VAV2: variants seen among roughly 807,000 people sequenced by gnomAD.
VAV2 encodes the protein guanine nucleotide exchange factor VAV2.
A neutral mutation model predicts 132.5 loss-of-function variants in VAV2; 67 were observed. The observed-to-expected ratio is 0.51, with a 90% CI of 0.42 to 0.62. VAV2 has a LOEUF of 0.62. VAV2 is among the 20% of genes least tolerant of loss of function. VAV2 has a pLI of 0.00. For missense variants in VAV2, 938 were observed against 1,153.6 expected (o/e 0.81, Z 2.71); for synonymous variants, 492 against 443.5 (o/e 1.11, Z -1.37).
intron 2 of VAV2, among the ~76,000 whole-genome samples, chr9:133,893,815 G>A (rs1240107992): frequency 2.6e-5 from 4 of 152,114 alleles, no homozygotes; most frequent in South Asian, 2.1e-4. Flanking sequence ...TCCAACTACC[G>A]CCCCTGAAAC....
chr9:133,814,644 G>A (rs1835487956), intron 4 of VAV2, among the ~76,000 whole-genome samples: 1 of 152,266 alleles, frequency 6.6e-6, no homozygotes, highest in Non-Finnish European at 1.5e-5. Flanking sequence ...CCTGGACAGG[G>A]GCCTGGAGAT....
chr9:133,949,106 G>A (rs1014454692), intron 1 of VAV2, among the ~76,000 whole-genome samples: 1 of 152,104 alleles, frequency 6.6e-6, no homozygotes, highest in Non-Finnish European at 1.5e-5. Context: ...CTTACGCTGG[G>A]CCCTCCTGCT....
In VAV2 at chr9:133,779,564, G is replaced by A. The variant is rs150750042; in HGVS notation, c.1762+354C>T. On this transcript the variant is annotated intron_variant, in intron 21 of 29. Transcript: ENST00000371850. Reference sequence around the variant, plus strand: ...GAAGCACGTTTCCATTAAGCAACCCGCAGCAAGGCAGGAAGGGGATGGAGA... The same window carrying A: ...GAAGCACGTTTCCATTAAGCAACCCACAGCAAGGCAGGAAGGGGATGGAGA... Among the ~76,000 whole-genome samples, 517 of 152,346 alleles carry A rather than the reference G, an allele frequency of 3.4e-3. 2 individuals carry two copies. Among genetic ancestry groups the A allele is most frequent in the African/African-American group, 0.012 (489 of 41,584 alleles).
At chr9:133,771,408 T>C (rs1833620652) in intron 26 of VAV2, among the ~76,000 whole-genome samples, 1 of 152,144 alleles carries the variant, frequency 6.6e-6, no homozygotes, top group Admixed American at 6.5e-5. Flanking sequence ...TCTGTGGCCA[T>C]AGCGGGGAAG....
In VAV2 at chr9:133,762,516, G is replaced by C. The variant is rs1833292163; in HGVS notation, c.*1546C>G. 1.3e-5 allele frequency: 2 copies of C among 152,330 alleles called. No individual in the cohort carries two copies. Among genetic ancestry groups the C allele is most frequent in the South Asian group, 4.1e-4 (2 of 4,838 alleles). The allele number at this position is 152,330 out of a possible 1,614,324, so 9.4% of individuals were successfully genotyped here. ...CTCCCCGCCATCCTCCGCGCCTGCTGGGCCGCAGGTCGCAAAGTGCTGGGT... is the reference window on the plus strand; with the variant it reads ...CTCCCCGCCATCCTCCGCGCCTGCTCGGCCGCAGGTCGCAAAGTGCTGGGT... On this transcript the variant is annotated 3_prime_UTR_variant, in exon 30 of 30. Transcript: ENST00000371850. This position sits in a 1 kb window ranked among gnomAD's most constrained non-coding sequence, Gnocchi z 5.0.
chr9:133,827,777 G>C (rs1433731098), intron 4 of VAV2, among the ~76,000 whole-genome samples: 2 of 28,434 alleles, frequency 7.0e-5, no homozygotes, highest in Non-Finnish European at 4.3e-4. Context: ...TGACCACTGA[G>C]CACGGGCATC....
At chr9:133,778,647 G>A in intron 22 of VAV2, 115 bp downstream of exon 22, 1 of 1,439,550 alleles carries the variant, frequency 6.9e-7, no homozygotes. Context: ...CTCCCTGGTG[G>A]TCTCTCACCT....
intron 2 of VAV2, among the ~76,000 whole-genome samples, chr9:133,938,100 C>G (rs561590454): frequency 6.6e-6 from 1 of 152,342 alleles, no homozygotes; most frequent in East Asian, 1.9e-4. Context: ...CCTCACAAAT[C>G]ATGTATTCAC....
At chr9:133,905,266 T>TAA (rs35348134) in intron 2 of VAV2, among the ~76,000 whole-genome samples, 2,759 of 145,290 alleles carry the variant, frequency 0.019, 85 homozygotes, top group African/African-American at 0.063. Context: ...CCATCTCTAC[T>TAA]AAAAAAAAAA....
At position 133,770,397 on chromosome 9, in the gene VAV2, C is replaced by T. The variant is rs1132455; in HGVS notation, c.2328G>A (p.Arg776=). Residue 776 remains arginine (R), a synonymous_variant, in exon 27 of 30, where the codon AGG becomes AGA. Coordinates refer to ENST00000371850, the MANE Select transcript of VAV2 (RefSeq NM_001134398.2). ...CGTTACCTGGGGACCGGCTGGAGGC[C>T]CTGGAGGCCGAACGTTCCCGGGACT... is the stretch of plus-strand genomic sequence containing the variant. ...PYKSRERSAS[R]ASSRSPASCA... 3.1e-6 allele frequency: 5 copies of T among 1,614,006 alleles called. No individual in the cohort carries two copies. The South Asian group carries it at 4.4e-5, about 14-fold the overall frequency.
intron 3 of VAV2, among the ~76,000 whole-genome samples, chr9:133,841,801 TAAG>T (rs1208105408): frequency 6.6e-6 from 1 of 152,146 alleles, no homozygotes; most frequent in African/African-American, 2.4e-5. Flanking sequence ...TAGCAATTGC[TAAG>T]ACCAAGGGAG....
At position 133,918,601 on chromosome 9, in the gene VAV2, G is replaced by A. The variant is rs527847113; in HGVS notation, c.321+20502C>T. On this transcript the variant is annotated intron_variant, in intron 2 of 29. Coordinates refer to ENST00000371850, the MANE Select transcript of VAV2 (RefSeq NM_001134398.2). This position sits in a 1 kb window ranked among gnomAD's most constrained non-coding sequence, Gnocchi z 4.7. ...TGGCTGATACTGTTATGTCCATTTC[G>A]TGGGTAAGAAAGCTGAGGCCCACAG... Among the ~76,000 whole-genome samples the A allele has an allele frequency of 7.9e-5, 12 of 151,976 alleles. No homozygotes were observed. The highest frequency in any genetic ancestry group is 1.6e-4 in the Non-Finnish European group (11 of 68,012).
chr9:133,799,148 G>A (rs1340026430), intron 9 of VAV2, among the ~76,000 whole-genome samples: 1 of 152,224 alleles, frequency 6.6e-6, no homozygotes, highest in Non-Finnish European at 1.5e-5. Flanking sequence ...CCATCCAAGT[G>A]GCTCTGCCAC....
intron 1 of VAV2, among the ~76,000 whole-genome samples, chr9:133,983,031 C>T (rs552018144): frequency 2.9e-4 from 44 of 152,296 alleles, no homozygotes; most frequent in African/African-American, 8.9e-4. Context: ...AGGAGAGAGA[C>T]GGCAGTGGCC....
chr9:133,904,333 G>C (rs1439696805), intron 2 of VAV2, among the ~76,000 whole-genome samples: 1 of 152,202 alleles, frequency 6.6e-6, no homozygotes, highest in African/African-American at 2.4e-5. Flanking sequence ...AGAATCCCAA[G>C]TCCTCCCTTT....
intron 2 of VAV2, among the ~76,000 whole-genome samples, chr9:133,867,237 G>C (rs1837842695): frequency 6.6e-6 from 1 of 152,230 alleles, no homozygotes; most frequent in South Asian, 2.1e-4. Context: ...CCAGCATCAA[G>C]GCTCAACACC....
rs1428145126 is a variant in VAV2, at chr9:133,857,953, G to T, written c.380+3421C>A. ...GTCTTCCTGCAAAGCCTCGCTCTGC[G>T]CCCAGGAGGCCCTTCCCTTTGGCCT... is the stretch of plus-strand genomic sequence containing the variant. On this transcript the variant is annotated intron_variant, in intron 3 of 29. Transcript: ENST00000371850. This position sits in a 1 kb window ranked among gnomAD's most constrained non-coding sequence, Gnocchi z 4.0. 5.3e-5 allele frequency among the ~76,000 whole-genome samples: 8 copies of T among 152,324 alleles called. 1 individual carries two copies. The South Asian group carries it at 1.7e-3, about 32-fold the overall frequency.
chr9:133,769,303 G>A lies in VAV2; in HGVS notation c.2434+114C>T, dbSNP rs952073398. ...CCCCTCCACCCAGTGCCAGACTGCG[G>A]ACAACTGTGGCCACGTCAGGCAGGG... is the stretch of plus-strand genomic sequence containing the variant. On this transcript the variant is annotated intron_variant, in intron 28 of 29. Transcript: ENST00000371850. The surrounding 1 kb of genome is among the most constrained non-coding windows in gnomAD (Gnocchi z 8.1). 6.8e-6 allele frequency: 8 copies of A among 1,174,370 alleles called. No individual in the cohort carries two copies. The highest frequency in any genetic ancestry group is 2.6e-5 in the East Asian group (1 of 38,666). 72.7% of individuals were successfully genotyped at this position (1,174,370 alleles called of 1,614,324 possible). A position where few individuals can be genotyped will look rare whatever the true frequency, so the allele number is the denominator to read the frequency against.
chr9:133,939,553 C>A (rs2519805), intron 1 of VAV2, among the ~76,000 whole-genome samples: 4 of 152,110 alleles, frequency 2.6e-5, no homozygotes, highest in Admixed American at 1.3e-4. Flanking sequence ...TCCCCGTAAC[C>A]GTAGGTCAGG....
Sources: allele counts gnomAD v4.1 joint callset (sites outside exome capture counted in the v4.1 genomes callset), GRCh38; gene constraint gnomAD v4.1.1; non-coding constraint Gnocchi (gnomAD v3.1); transcripts MANE v1.5; gene names NCBI Gene and HGNC (gene_info 2026-07-23, HGNC 2026-07-21).